ZFP37: variants seen among roughly 807,000 people sequenced by gnomAD.
ZFP37 encodes the protein zinc finger protein 37 homolog.
In ZFP37, 38 loss-of-function variants were observed where a neutral mutation model predicts 52.1. That is an observed-to-expected ratio of 0.73 (90% CI 0.56 to 0.96). ZFP37 has a LOEUF of 0.96. Among genes scored for constraint, ZFP37 ranks in the 40% least tolerant of loss-of-function variants. The pLI, the probability that ZFP37 is intolerant of heterozygous loss-of-function variation, is 0.00. For synonymous variants in ZFP37, 253 were observed against 259.5 expected, an observed-to-expected ratio of 0.98 and a Z score of 0.24; for missense variants, 695 against 741.4, an observed-to-expected ratio of 0.94 and a Z score of 0.73.
chr9:113,056,332 C>T (rs905397806), intron 1 of ZFP37, among the ~76,000 whole-genome samples: 2 of 152,196 alleles, frequency 1.3e-5, no homozygotes, highest in African/African-American at 4.8e-5. Context: ...GTGACTGCCA[C>T]AGACGCCTCC....
At position 113,042,992 on chromosome 9, in the gene ZFP37, C is replaced by A; in HGVS notation, c.1626G>T (p.Glu542Asp). The A allele has an allele frequency of 1.2e-6, 2 of 1,613,888 alleles. No homozygotes were observed. The highest frequency in any genetic ancestry group is 1.7e-6 in the Non-Finnish European group (2 of 1,179,922). Reference protein sequence around the residue: ...LTQHQRVHTGEKPYECNECGK... With the variant: ...LTQHQRVHTGDKPYECNECGK... ...CACATTCATTACACTCATACGGTTT[C>A]TCTCCAGTATGAACTCTCTGATGTT... The change falls in exon 4 of 4, where the codon GAG becomes GAT. Residue 542 changes from glutamate (E) to aspartate (D), a missense_variant. Glu to Asp is a conservative substitution (Grantham distance 45). Coordinates refer to ENST00000374227, the MANE Select transcript of ZFP37 (RefSeq NM_003408.3).
chr9:113,043,613 G>C lies in ZFP37; in HGVS notation c.1005C>G (p.His335Gln), dbSNP rs1235166747. 1.2e-6 allele frequency: 2 copies of C among 1,613,996 alleles called. No individual in the cohort carries two copies. Among genetic ancestry groups the C allele is most frequent in the Non-Finnish European group, 1.7e-6 (2 of 1,179,948 alleles). ...ECGIAFSQKS[H>Q]LVVHQRTHTG... ...TGTGAGTTCTCTGATGTACAACAAG[G>C]TGTGACTTTTGGCTAAAGGCTATCC... is the stretch of plus-strand genomic sequence containing the variant. The change falls in exon 4 of 4, where the codon CAC becomes CAG. Residue 335 changes from histidine (H) to glutamine (Q), a missense_variant. His to Gln is a conservative substitution (Grantham distance 24, BLOSUM62 0). Coordinates refer to ENST00000374227, the MANE Select transcript of ZFP37 (RefSeq NM_003408.3).
rs1828849681 is a variant in ZFP37, at chr9:113,041,689, T to G, written c.*1036A>C. On this transcript the variant is annotated 3_prime_UTR_variant, in exon 4 of 4. Transcript: ENST00000374227. Reference sequence around the variant, plus strand: ...ATGAATTCAACATCAAGTTTCATACTATATACTTTAGATTCATCATCATTC... The same window carrying G: ...ATGAATTCAACATCAAGTTTCATACGATATACTTTAGATTCATCATCATTC... The G allele has an allele frequency of 1.3e-5, 2 of 152,360 alleles. No individual in the cohort carries two copies. Among genetic ancestry groups the G allele is most frequent in the South Asian group, 4.1e-4 (2 of 4,830 alleles). The allele number at this position is 152,360 out of a possible 1,614,324, so 9.4% of individuals were successfully genotyped here. A position where few individuals can be genotyped will look rare whatever the true frequency, so the allele number is the denominator to read the frequency against.
intron 1 of ZFP37, among the ~76,000 whole-genome samples, chr9:113,054,420 C>T (rs573536055): frequency 7.9e-5 from 12 of 152,070 alleles, no homozygotes; most frequent in South Asian, 2.1e-4. Context: ...CTAGGTGACC[C>T]GAGCCAATCT....
At chr9:113,046,271 C>T (rs1587911752) in intron 3 of ZFP37, among the ~76,000 whole-genome samples, 1 of 146,888 alleles carries the variant, frequency 6.8e-6, no homozygotes, top group East Asian at 2.0e-4. Context: ...TATATACAGG[C>T]AGATATATAT....
chr9:113,043,914 C>T lies in ZFP37; in HGVS notation c.704G>A (p.Ser235Asn), dbSNP rs1308791324. 1 of 1,614,002 alleles carries T rather than the reference C, an allele frequency of 6.2e-7. No homozygotes were observed. Among genetic ancestry groups the T allele is most frequent in the Non-Finnish European group, 8.5e-7 (1 of 1,179,940 alleles). ...GTTACACTTATCAGATGAGCTATGG[C>T]TGGATAATTTCTCATGTTTCTTTCC... Reference protein sequence around the residue: ...QTGKKHEKLSSHSSSDKCNKT... With the variant: ...QTGKKHEKLSNHSSSDKCNKT... Residue 235 changes from serine (S) to asparagine (N), a missense_variant, in exon 4 of 4, where the codon AGC becomes AAC. By Grantham distance (46) the Ser-to-Asn change is conservative (BLOSUM62 1). Transcript: ENST00000374227.
rs755433433 is a variant in ZFP37 at position 113,044,020 on chromosome 9, T to C, written c.598A>G (p.Arg200Gly). Residue 200 changes from arginine to glycine, a missense_variant, in exon 4 of 4, where the codon AGG becomes GGG. By Grantham distance (125) the Arg-to-Gly change is moderately radical. This residue lies in a region of ZFP37 where 369 missense variants were observed against 340.9 expected (regional missense o/e 1.08). Coordinates refer to ENST00000374227, the MANE Select transcript of ZFP37 (RefSeq NM_003408.3). ...LPDHSRNCVK[R>G]KSDAAKEHKK... ...TGTTCTTTAGCTGCATCAGATTTCC[T>C]TTTTACACAGTTTCTTGAGTGATCA... 6 of 1,613,964 alleles carry C rather than the reference T, an allele frequency of 3.7e-6. No individual in the cohort carries two copies. The highest frequency in any genetic ancestry group is 5.1e-6 in the Non-Finnish European group (6 of 1,179,954).
rs139378854 is a variant in ZFP37, at chr9:113,046,168, A to C, written c.350-1900T>G. ...TATATATATAGACAGATATATATCTATATATAGACAGATATATATCTATAT... is the reference window on the plus strand; with the variant it reads ...TATATATATAGACAGATATATATCTCTATATAGACAGATATATATCTATAT... On this transcript the variant is annotated intron_variant, in intron 3 of 3. Transcript: ENST00000374227. Among the ~76,000 whole-genome samples the C allele has an allele frequency of 1.5e-4, 23 of 149,872 alleles. 1 individual carries two copies. In the East Asian group the frequency reaches 4.5e-3, roughly 29 times the overall value.
At chr9:113,047,771 C>A (rs1202897558) in intron 3 of ZFP37, among the ~76,000 whole-genome samples, 2 of 151,932 alleles carry the variant, frequency 1.3e-5, no homozygotes, top group Non-Finnish European at 2.9e-5. Context: ...CAGAGCACAC[C>A]CTGATAAAAA....
chr9:113,046,411 A>G (rs961468090), intron 3 of ZFP37, among the ~76,000 whole-genome samples: 3 of 152,118 alleles, frequency 2.0e-5, no homozygotes, highest in Non-Finnish European at 4.4e-5. Flanking sequence ...TCAATGCCCA[A>G]GGATGATGGA....
chr9:113,055,215 C>T (rs1021315409), intron 1 of ZFP37, among the ~76,000 whole-genome samples: 3 of 152,186 alleles, frequency 2.0e-5, no homozygotes, highest in South Asian at 2.1e-4. Flanking sequence ...CAGATCTCTG[C>T]ATGGCTGCCT....
Position 113,043,403 on chromosome 9 carries a change from A to G in ZFP37, c.1215T>C (p.Tyr405=). The G allele has an allele frequency of 1.9e-6, 3 of 1,614,110 alleles. No individual in the cohort carries two copies. The highest frequency in any genetic ancestry group is 2.5e-6 in the Non-Finnish European group (3 of 1,179,992). The change falls in exon 4 of 4, where the codon TAT becomes TAC. Residue 405 remains tyrosine, a synonymous_variant. Transcript: ENST00000374227. ...HVRSHTGEKP[Y]ECKECGKSFR... The stretch of plus-strand genomic sequence containing the variant: ...AAGACTTCCCACATTCCTTACATTC[A>G]TATGGCTTCTCACCTGTGTGAGATC...
Position 113,043,956 on chromosome 9 carries a change from T to C in ZFP37, c.662A>G (p.Lys221Arg), listed in dbSNP as rs757659316. The C allele has an allele frequency of 1.3e-5, 21 of 1,613,988 alleles. No individual in the cohort carries two copies. Among genetic ancestry groups the C allele is most frequent in the Non-Finnish European group, 1.7e-5 (20 of 1,179,968 alleles). ...TTTCTTTCCAGTTTGCTTTTTGCCT[T>C]TCCTTGTATCAGATAAGCTATGGTT... ...SFNHSLSDTR[K>R]GKKQTGKKHE... Residue 221 changes from lysine to arginine, a missense_variant, in exon 4 of 4, where the codon AAA (lysine) becomes AGA (arginine). By Grantham distance (26) the Lys-to-Arg change is conservative. This residue lies in a region of ZFP37 where 369 missense variants were observed against 340.9 expected (regional missense o/e 1.08). Transcript: ENST00000374227.
rs569173965 is a variant in ZFP37, at chr9:113,044,174, C to G, written c.444G>C (p.Lys148Asn). 11 of 1,608,980 alleles carry G rather than the reference C, an allele frequency of 6.8e-6. No homozygotes were observed. The South Asian group carries it at 1.2e-4, about 18-fold the overall frequency. ...GTGAACCACAGTCACTGCCATTCTT[C>G]TTAGCTTGAGTTTTCTTCTTGACTG... ...EVAVKKKTQA[K>N]KNGSDCGSLG... Residue 148 changes from lysine (K) to asparagine (N), a missense_variant, in exon 4 of 4, where the codon AAG becomes AAC. Physicochemically the swap from Lys to Asn is moderately conservative, Grantham distance 94 (BLOSUM62 0). Transcript: ENST00000374227.
chr9:113,042,655 CTT>C lies in ZFP37; in HGVS notation c.*68_*69del. 3.7e-6 allele frequency: 5 copies of C among 1,367,306 alleles called. No homozygotes were observed. The highest frequency in any genetic ancestry group is 4.9e-6 in the Non-Finnish European group (5 of 1,018,624). 84.7% of individuals were successfully genotyped at this position (1,367,306 alleles called of 1,614,324 possible). ...ATCTTGCTAAAGGCTTTCTAACACT[CTT>C]TAAAATCAGCATATTTCCAAGGTTC... On this transcript the variant is annotated 3_prime_UTR_variant, in exon 4 of 4. Transcript: ENST00000374227.
chr9:113,051,421 C>G (rs990450898), intron 1 of ZFP37, among the ~76,000 whole-genome samples: 1 of 152,056 alleles, frequency 6.6e-6, no homozygotes, highest in Non-Finnish European at 1.5e-5. Flanking sequence ...CTTATCCTTA[C>G]AGGCAACCAA....
intron 3 of ZFP37, among the ~76,000 whole-genome samples, chr9:113,045,217 G>T (rs1828929921): frequency 6.6e-6 from 1 of 152,078 alleles, no homozygotes; most frequent in Admixed American, 6.6e-5. Flanking sequence ...TACTCATGGT[G>T]AATTTTTCTT....
Position 113,044,268 on chromosome 9 carries a change from T to A in ZFP37, c.350A>T (p.Lys117Ile). The A allele has an allele frequency of 6.4e-7, 1 of 1,550,466 alleles. No homozygotes were observed. The highest frequency in any genetic ancestry group is 1.2e-5 in the South Asian group (1 of 80,556). Reference protein sequence around the residue: ...ARPKQKETDGKVQKDDDQLEN... With the variant: ...ARPKQKETDGIVQKDDDQLEN... ...AAGCTGGTCATCATCTTTCTGGACT[T>A]CTAAAATGGAATTCAGTGAGATATT... is the stretch of plus-strand genomic sequence containing the variant. Residue 117 changes from lysine to isoleucine, a missense_variant and splice_region_variant, in exon 4 of 4, where the codon AAA (lysine) becomes ATA (isoleucine). Lys to Ile is a moderately radical substitution (Grantham distance 102). This residue lies in a region of ZFP37 where 369 missense variants were observed against 340.9 expected (regional missense o/e 1.08). Coordinates refer to ENST00000374227, the MANE Select transcript of ZFP37 (RefSeq NM_003408.3).
chr9:113,056,499 G>GC, intron 1 of ZFP37, 58 bp downstream of exon 1: 2 of 1,596,820 alleles, frequency 1.3e-6, no homozygotes, highest in South Asian at 2.2e-5. Context: ...TCCAATCACT[G>GC]CCCCGCAAGT....
Sources: gnomAD v4.1 joint callset for allele counts (sites outside exome capture counted in the v4.1 genomes callset) on GRCh38, gnomAD v4.1.1 for gene constraint, gnomAD v4.1.1 regional missense constraint, MANE v1.5 for transcripts, NCBI Gene and HGNC (gene_info 2026-07-23, HGNC 2026-07-21) for gene names.